Variants in ARHGAP20 observed in about 807,000 individuals in gnomAD.
The protein encoded by ARHGAP20 is Rho GTPase activating protein 20, also known as rho GTPase-activating protein 20.
Under a neutral mutation model 73.7 loss-of-function variants are expected in ARHGAP20, and 34 were observed. That is an observed-to-expected ratio of 0.46 (90% CI 0.35 to 0.61). The LOEUF (loss-of-function observed/expected upper bound fraction) is 0.61, where lower values mean the gene tolerates loss of function less well. ARHGAP20 is among the 20% of genes least tolerant of loss of function. The probability of loss-of-function intolerance (pLI) is 0.00; values close to 1 mark genes in which losing one functional copy is unlikely to be tolerated. For missense variants in ARHGAP20, 1,314 were observed against 1,420.9 expected (o/e 0.92, Z 1.21); for synonymous variants, 523 against 518.2 (o/e 1.01, Z -0.13).
chr11:110,684,802 C>T (rs1950100303), intron 2 of ARHGAP20, among the ~76,000 whole-genome samples: 1 of 152,016 alleles, frequency 6.6e-6, no homozygotes, highest in South Asian at 2.1e-4. Context: ...GGCCATTATT[C>T]TAAGTAAATT....
At chr11:110,598,437 T>A (rs572399194) in intron 9 of ARHGAP20, among the ~76,000 whole-genome samples, 22 of 152,318 alleles carry the variant, frequency 1.4e-4, no homozygotes, top group Middle Eastern at 6.8e-3. Flanking sequence ...AGTTTTTCCA[T>A]ACTAGGGTTG....
chr11:110,597,840 TA>T (rs1182668012), intron 9 of ARHGAP20, among the ~76,000 whole-genome samples: 1 of 152,146 alleles, frequency 6.6e-6, no homozygotes, highest in Non-Finnish European at 1.5e-5. Flanking sequence ...GGGACTGAGA[TA>T]AAAAAATTTC....
intron 2 of ARHGAP20, among the ~76,000 whole-genome samples, chr11:110,678,409 G>C (rs1382429634): frequency 2.0e-5 from 3 of 152,142 alleles, no homozygotes; most frequent in Non-Finnish European, 4.4e-5. Flanking sequence ...TTTTAAAAAA[G>C]ATGTTGTCTG....
At chr11:110,695,002 G>A (rs1950309577) in intron 1 of ARHGAP20, among the ~76,000 whole-genome samples, 1 of 151,640 alleles carries the variant, frequency 6.6e-6, no homozygotes, top group Non-Finnish European at 1.5e-5. Context: ...TAGACAGCAA[G>A]AGTATACCTG....
At chr11:110,665,406 A>G (rs1949703971) in intron 2 of ARHGAP20, among the ~76,000 whole-genome samples, 1 of 152,142 alleles carries the variant, frequency 6.6e-6, no homozygotes, top group Admixed American at 6.5e-5. Flanking sequence ...AATTTAATCT[A>G]ACAACAAAAT....
At chr11:110,613,000 G>A (rs1445429892) in intron 6 of ARHGAP20, among the ~76,000 whole-genome samples, 2 of 152,096 alleles carry the variant, frequency 1.3e-5, no homozygotes, top group Non-Finnish European at 2.9e-5. Context: ...TTTTAAAAAA[G>A]TCTAAAATTT....
chr11:110,681,648 G>A (rs1950038681), intron 2 of ARHGAP20, among the ~76,000 whole-genome samples: 1 of 152,142 alleles, frequency 6.6e-6, no homozygotes, highest in Admixed American at 6.6e-5. Context: ...ATGCTAACAT[G>A]ACAGAGGAAA....
At chr11:110,641,301 G>C (rs997652993) in intron 2 of ARHGAP20, among the ~76,000 whole-genome samples, 25 of 152,022 alleles carry the variant, frequency 1.6e-4, no homozygotes, top group Admixed American at 7.9e-4. Flanking sequence ...AATAGAGTGA[G>C]ATCCATACAC....
At chr11:110,590,605 T>C (rs1947800746) in intron 11 of ARHGAP20, 43 bp downstream of exon 11, 2 of 1,538,752 alleles carry the variant, frequency 1.3e-6, no homozygotes, top group Non-Finnish European at 1.7e-6. Flanking sequence ...CCTCTTTCTC[T>C]AGAGCTACAC....
chr11:110,613,812 C>T (rs1948423230), intron 6 of ARHGAP20, among the ~76,000 whole-genome samples: 1 of 152,112 alleles, frequency 6.6e-6, no homozygotes, highest in African/African-American at 2.4e-5. Context: ...CTATTTTGCA[C>T]TACATATTTT....
chr11:110,650,306 A>G (rs959328722), intron 2 of ARHGAP20, among the ~76,000 whole-genome samples: 2 of 152,172 alleles, frequency 1.3e-5, no homozygotes, highest in African/African-American at 4.8e-5. Flanking sequence ...TTGCAGAATT[A>G]ATAGCTAAAC....
chr11:110,642,080 C>T (rs1275998583), intron 2 of ARHGAP20, among the ~76,000 whole-genome samples: 1 of 151,946 alleles, frequency 6.6e-6, no homozygotes, highest in South Asian at 2.1e-4. Context: ...AATAATTAAA[C>T]CTGATTAAAA....
Position 110,581,267 on chromosome 11 carries a change from A to G in ARHGAP20, c.1721-42T>C, listed in dbSNP as rs991660996. On this transcript the variant is annotated intron_variant, in intron 14 of 14. Transcript: ENST00000683387. ...ACCATGATTAACATATTTACTTACC[A>G]CAAATATACTCATGCTTCCTTAAGA... The G allele has an allele frequency of 3.9e-6, 6 of 1,536,552 alleles. 1 individual carries two copies. The Admixed American group carries it at 9.9e-5, about 25-fold the overall frequency.
Position 110,579,037 on chromosome 11 carries a change from A to G in ARHGAP20, c.*333T>C. The stretch of plus-strand genomic sequence containing the variant: ...TCATTCCTGATATCTTGGTCTTCTC[A>G]GGACATCAATCTCACAGACTGTTCC... On this transcript the variant is annotated 3_prime_UTR_variant, in exon 15 of 15. Coordinates refer to ENST00000683387, the MANE Select transcript of ARHGAP20 (RefSeq NM_001384657.1). 7.0e-6 allele frequency: 7 copies of G among 1,007,190 alleles called. No individual in the cohort carries two copies. The highest frequency in any genetic ancestry group is 5.9e-6 in the Non-Finnish European group (5 of 841,918). The allele number at this position is 1,007,190 out of a possible 1,614,324, so 62.4% of individuals were successfully genotyped here. A position where few individuals can be genotyped will look rare whatever the true frequency, so the allele number is the denominator to read the frequency against.
At chr11:110,702,027 G>C (rs1297966826) in intron 1 of ARHGAP20, among the ~76,000 whole-genome samples, 1 of 152,096 alleles carries the variant, frequency 6.6e-6, no homozygotes, top group Non-Finnish European at 1.5e-5. Flanking sequence ...GATGCCTCCA[G>C]CTTTGTTCTT....
rs541365561 is a variant in ARHGAP20, at chr11:110,711,945, G to A, written c.105+182C>T. On this transcript the variant is annotated intron_variant, in intron 1 of 14. Transcript: ENST00000683387. ...AAGCGGGCGCTCTGCGGGAGGCGGC[G>A]GCGCTGCCGCTGGCCGTCAAGGGCG... is the stretch of plus-strand genomic sequence containing the variant. 3.4e-5 allele frequency: 43 copies of A among 1,253,250 alleles called. 2 individuals are homozygous for A. The South Asian group carries it at 1.0e-3, about 30-fold the overall frequency. The allele number at this position is 1,253,250 out of a possible 1,614,324, so 77.6% of individuals were successfully genotyped here. A position where few individuals can be genotyped will look rare whatever the true frequency, so the allele number is the denominator to read the frequency against.
At chr11:110,710,208 T>C (rs1354246320) in intron 1 of ARHGAP20, among the ~76,000 whole-genome samples, 1 of 152,210 alleles carries the variant, frequency 6.6e-6, no homozygotes. Context: ...GAATTTCACA[T>C]TTAATCTTCC....
chr11:110,586,415 TC>T, intron 11 of ARHGAP20, 90 bp from the exon 12 acceptor site: 1 of 710,696 alleles, frequency 1.4e-6, no homozygotes, highest in Non-Finnish European at 2.2e-6. Context: ...GTTGAAAAGT[TC>T]CCTTACGTAC....
intron 1 of ARHGAP20, among the ~76,000 whole-genome samples, chr11:110,694,049 C>T (rs769580736): frequency 6.6e-6 from 1 of 151,802 alleles, no homozygotes; most frequent in South Asian, 2.1e-4. Context: ...GGCAAAAATA[C>T]TCAATTAATT....
Sources: gnomAD v4.1 joint callset for allele counts (sites outside exome capture counted in the v4.1 genomes callset) on GRCh38, gnomAD v4.1.1 for gene constraint, MANE v1.5 for transcripts, NCBI Gene and HGNC (gene_info 2026-07-23, HGNC 2026-07-21) for gene names.